Variants in MAML2 observed in about 807,000 individuals in gnomAD.
MAML2 encodes mastermind like transcriptional coactivator 2, also known as mastermind-like protein 2.
A neutral mutation model predicts 96.1 loss-of-function variants in MAML2; 22 were observed. That is an observed-to-expected ratio of 0.23 (90% CI 0.16 to 0.33). MAML2 has a LOEUF of 0.33. Among genes scored for constraint, MAML2 ranks in the 10% least tolerant of loss-of-function variants. The probability of loss-of-function intolerance (pLI) is 1.00; values close to 1 mark genes in which losing one functional copy is unlikely to be tolerated. For missense variants in MAML2, 1,367 were observed against 1,392.4 expected (o/e 0.98, Z 0.29); for synonymous variants, 561 against 521.3 (o/e 1.08, Z -1.04).
chr11:96,213,500 CCTTT>C (rs1401834372), intron 1 of MAML2, among the ~76,000 whole-genome samples: 4 of 152,176 alleles, frequency 2.6e-5, no homozygotes, highest in Non-Finnish European at 4.4e-5. Flanking sequence ...TATAAAATAT[CCTTT>C]CTTTCTAGAA....
intron 1 of MAML2, among the ~76,000 whole-genome samples, chr11:96,110,756 C>T (rs533220003): frequency 2.3e-4 from 35 of 152,176 alleles, no homozygotes; most frequent in East Asian, 5.8e-4. Context: ...AAGAGATGGA[C>T]GGCATTGAGT....
intron 1 of MAML2, among the ~76,000 whole-genome samples, chr11:96,324,097 A>C (rs373600728): frequency 6.6e-6 from 1 of 152,202 alleles, no homozygotes; most frequent in East Asian, 1.9e-4. Flanking sequence ...GGCCTGGACC[A>C]TGTGTAAGTT....
chr11:96,192,758 G>C lies in MAML2; in HGVS notation c.514-99241C>G, dbSNP rs181270232. Among the ~76,000 whole-genome samples the C allele has an allele frequency of 9.9e-4, 151 of 152,302 alleles. 1 individual carries two copies. Among genetic ancestry groups the C allele is most frequent in the African/African-American group, 3.4e-3 (143 of 41,556 alleles). Reference sequence around the variant, plus strand: ...TTCCAGTCTTATTAAGGGCAGGCCGGTTATCTATACTTAGGATGCCCTATC... The same window carrying C: ...TTCCAGTCTTATTAAGGGCAGGCCGCTTATCTATACTTAGGATGCCCTATC... On this transcript the variant is annotated intron_variant, in intron 1 of 4. Transcript: ENST00000524717.
intron 2 of MAML2, among the ~76,000 whole-genome samples, chr11:96,087,272 T>G (rs1228024508): frequency 2.0e-5 from 3 of 152,224 alleles, no homozygotes; most frequent in Non-Finnish European, 4.4e-5. Flanking sequence ...TCAATACTAA[T>G]TATATCAACA....
intron 1 of MAML2, among the ~76,000 whole-genome samples, chr11:96,331,359 C>T (rs1355966601): frequency 6.8e-4 from 103 of 152,116 alleles, no homozygotes; most frequent in Non-Finnish European, 1.3e-4. Context: ...ACCAAATTTC[C>T]CCTAACTGTT....
At chr11:96,316,001 T>TA (rs1435677874) in intron 1 of MAML2, among the ~76,000 whole-genome samples, 1 of 152,208 alleles carries the variant, frequency 6.6e-6, no homozygotes, top group Non-Finnish European at 1.5e-5. Context: ...CATTCAGCAA[T>TA]ATGTAAGCCT....
chr11:96,007,895 A>C (rs1216232190), intron 2 of MAML2, among the ~76,000 whole-genome samples: 1 of 48,980 alleles, frequency 2.0e-5, no homozygotes, highest in Non-Finnish European at 3.9e-5. Context: ...GGGAGGGGGG[A>C]GGGGTAGCAC....
rs765999176 is a variant in MAML2 at position 95,979,246 on chromosome 11, A to T, written c.3173T>A (p.Ile1058Asn). The T allele has an allele frequency of 1.7e-5, 27 of 1,613,858 alleles. No individual in the cohort carries two copies. The highest frequency in any genetic ancestry group is 2.1e-5 in the Non-Finnish European group (25 of 1,179,900). ...NLRPNQLSTQ[I>N]LPNLNQSGTG... ...TCCTGACTGATTCAAATTAGGCAAA[A>T]TCTGTGTGCTTAGCTGATTGGGTCT... The change falls in exon 5 of 5, where the codon ATT (isoleucine) becomes AAT (asparagine). Residue 1058 changes from isoleucine (I) to asparagine (N), a missense_variant. Ile to Asn is a moderately radical substitution (Grantham distance 149, BLOSUM62 -3). Transcript: ENST00000524717.
chr11:95,979,459 G>C lies in MAML2; in HGVS notation c.2960C>G (p.Pro987Arg). Residue 987 changes from proline (P) to arginine (R), a missense_variant, in exon 5 of 5, where the codon CCC becomes CGC. By Grantham distance (103) the Pro-to-Arg change is moderately radical (BLOSUM62 -2). Transcript: ENST00000524717. Reference protein sequence around the residue: ...EALTSAGVRFPTGTPAAYTPN... With the variant: ...EALTSAGVRFRTGTPAAYTPN... ...GGTATAGGCTGCAGGTGTACCTGTGGGGAAGCGGACTCCTGCAGACGTCAG... is the reference window on the plus strand; with the variant it reads ...GGTATAGGCTGCAGGTGTACCTGTGCGGAAGCGGACTCCTGCAGACGTCAG... 6.2e-7 allele frequency: 1 copy of C among 1,613,594 alleles called. No individual in the cohort carries two copies. The highest frequency in any genetic ancestry group is 8.5e-7 in the Non-Finnish European group (1 of 1,179,738).
At chr11:96,319,922 A>G (rs879805680) in intron 1 of MAML2, among the ~76,000 whole-genome samples, 6 of 152,170 alleles carry the variant, frequency 3.9e-5, no homozygotes, top group Non-Finnish European at 5.9e-5. Context: ...CTGAAGGCCA[A>G]CTCTCAGAAG....
chr11:96,296,284 A>T (rs927541841), intron 1 of MAML2, among the ~76,000 whole-genome samples: 2 of 152,172 alleles, frequency 1.3e-5, no homozygotes, highest in African/African-American at 4.8e-5. Context: ...CAAGTTGAAA[A>T]AATACTACCC....
chr11:96,271,644 G>A (rs1467690849), intron 1 of MAML2, among the ~76,000 whole-genome samples: 1 of 152,136 alleles, frequency 6.6e-6, no homozygotes, highest in Non-Finnish European at 1.5e-5. Context: ...TGTGAAGAAA[G>A]ATGTGTTTGC....
chr11:96,159,488 G>A (rs868402396), intron 1 of MAML2, among the ~76,000 whole-genome samples: 4 of 54,094 alleles, frequency 7.4e-5, no homozygotes, highest in South Asian at 6.9e-4. Context: ...TCTCGGCTGC[G>A]AGCCGAGATC....
chr11:96,077,335 C>T (rs139311140), intron 2 of MAML2, among the ~76,000 whole-genome samples: 3,267 of 149,258 alleles, frequency 0.022, 56 homozygotes, highest in Non-Finnish European at 0.033. Flanking sequence ...ATTTTCCTGC[C>T]CCAGCCTCCC....
chr11:96,167,501 A>G (rs1861213382), intron 1 of MAML2, among the ~76,000 whole-genome samples: 1 of 152,150 alleles, frequency 6.6e-6, no homozygotes, highest in South Asian at 2.1e-4. Flanking sequence ...CGCACAGAGC[A>G]GAAGATCTTT....
chr11:96,072,794 C>T (rs972104333), intron 2 of MAML2, among the ~76,000 whole-genome samples: 10 of 152,282 alleles, frequency 6.6e-5, no homozygotes, highest in Admixed American at 1.3e-4. Context: ...ACGCCAAAGC[C>T]GGCCTCTTAC....
Position 96,176,169 on chromosome 11 carries a change from T to C in MAML2, c.514-82652A>G, listed in dbSNP as rs552144401. Among the ~76,000 whole-genome samples the C allele has an allele frequency of 3.3e-5, 5 of 152,292 alleles. No individual in the cohort carries two copies. In the South Asian group the frequency reaches 1.0e-3, roughly 32 times the overall value. Reference sequence around the variant, plus strand: ...TAGCCCAAAATCCTTGAAGAAGTCATTGTCAAAGCCAGTACTTAAAGCAAG... The same window carrying C: ...TAGCCCAAAATCCTTGAAGAAGTCACTGTCAAAGCCAGTACTTAAAGCAAG... On this transcript the variant is annotated intron_variant, in intron 1 of 4. Transcript: ENST00000524717.
At chr11:96,210,025 C>T (rs947222054) in intron 1 of MAML2, among the ~76,000 whole-genome samples, 1 of 152,180 alleles carries the variant, frequency 6.6e-6, no homozygotes, top group Non-Finnish European at 1.5e-5. Flanking sequence ...CAATACCTAA[C>T]TTCAAAGATT....
intron 2 of MAML2, among the ~76,000 whole-genome samples, chr11:95,998,424 T>C (rs752177935): frequency 3.9e-5 from 6 of 152,166 alleles, no homozygotes; most frequent in Non-Finnish European, 7.4e-5. Context: ...TTCATTCACT[T>C]ATTTTCTAAA....
Sources: allele counts gnomAD v4.1 joint callset (sites outside exome capture counted in the v4.1 genomes callset), GRCh38; gene constraint gnomAD v4.1.1; transcripts MANE v1.5; gene names NCBI Gene and HGNC (gene_info 2026-07-23, HGNC 2026-07-21).